SLC24A3: variants seen among roughly 807,000 people sequenced by gnomAD.
The protein encoded by SLC24A3 is sodium/potassium/calcium exchanger 3.
In SLC24A3, 28 loss-of-function variants were observed where a neutral mutation model predicts 75.8. The ratio of observed to expected loss-of-function variants is 0.37; its 90% CI spans 0.27 to 0.51. SLC24A3 has a LOEUF of 0.51. Among genes scored for constraint, SLC24A3 ranks in the 20% least tolerant of loss-of-function variants. The pLI, the probability that SLC24A3 is intolerant of heterozygous loss-of-function variation, is 0.94. For synonymous variants in SLC24A3, 372 were observed against 334.1 expected, an observed-to-expected ratio of 1.11 and a Z score of -1.24; for missense variants, 663 against 847.8, an observed-to-expected ratio of 0.78 and a Z score of 2.71.
chr20:19,356,720 T>C (rs1018719129), intron 2 of SLC24A3, among the ~76,000 whole-genome samples: 1 of 152,192 alleles, frequency 6.6e-6, no homozygotes, highest in Admixed American at 6.5e-5. Flanking sequence ...ATGTGCATCC[T>C]TGGTATCTAC....
At chr20:19,465,877 C>T (rs1234108250) in intron 2 of SLC24A3, among the ~76,000 whole-genome samples, 1 of 152,168 alleles carries the variant, frequency 6.6e-6, no homozygotes, top group Non-Finnish European at 1.5e-5. Context: ...GGCCTCATCC[C>T]AGGATAATTA....
intron 2 of SLC24A3, among the ~76,000 whole-genome samples, chr20:19,325,286 A>AATG (rs1308388846): frequency 6.6e-6 from 1 of 151,468 alleles, no homozygotes; most frequent in Admixed American, 6.6e-5. Context: ...TAATAATAAT[A>AATG]TTAATAATAA....
At chr20:19,642,849 T>C (rs1333014438) in intron 6 of SLC24A3, among the ~76,000 whole-genome samples, 1 of 152,270 alleles carries the variant, frequency 6.6e-6, no homozygotes, top group Non-Finnish European at 1.5e-5. Context: ...CTCTTCTTTA[T>C]TGTCCAACAC....
chr20:19,478,747 C>T (rs1216980973), intron 2 of SLC24A3, among the ~76,000 whole-genome samples: 1 of 152,178 alleles, frequency 6.6e-6, no homozygotes, highest in Non-Finnish European at 1.5e-5. Context: ...CGAGGCTCAC[C>T]AGGCCATTCA....
At chr20:19,640,011 C>G (rs150607947) in intron 6 of SLC24A3, among the ~76,000 whole-genome samples, 5,635 of 152,328 alleles carry the variant, frequency 0.037, 374 homozygotes, top group African/African-American at 0.13. Context: ...CCGCTGGCGC[C>G]TCTCCCTCCA....
At chr20:19,334,606 G>A (rs555669538) in intron 2 of SLC24A3, among the ~76,000 whole-genome samples, 1 of 152,186 alleles carries the variant, frequency 6.6e-6, no homozygotes, top group Non-Finnish European at 1.5e-5. Flanking sequence ...TACCAGTGAA[G>A]TTCATTGTCT....
At chr20:19,584,918 T>C in intron 4 of SLC24A3, 53 bp from the exon 5 acceptor site, 2 of 1,543,712 alleles carry the variant, frequency 1.3e-6, no homozygotes, top group Non-Finnish European at 1.8e-6. Flanking sequence ...CAGTCACCTC[T>C]CTTCCGAGAT....
intron 2 of SLC24A3, among the ~76,000 whole-genome samples, chr20:19,361,569 G>A (rs973262975): frequency 6.6e-6 from 1 of 152,156 alleles, no homozygotes; most frequent in African/African-American, 2.4e-5. Flanking sequence ...GGTTACACAG[G>A]TGCATTCCTT....
chr20:19,381,289 G>A (rs1433842554), intron 2 of SLC24A3, among the ~76,000 whole-genome samples: 3 of 152,192 alleles, frequency 2.0e-5, no homozygotes, highest in Non-Finnish European at 4.4e-5. Flanking sequence ...TTACATTCTG[G>A]TTGGGAGAGG....
chr20:19,336,864 T>C (rs1234104428), intron 2 of SLC24A3, among the ~76,000 whole-genome samples: 1 of 152,080 alleles, frequency 6.6e-6, no homozygotes, highest in African/African-American at 2.4e-5. Context: ...TTCCTCTTTA[T>C]AAAATGTACA....
intron 2 of SLC24A3, among the ~76,000 whole-genome samples, chr20:19,410,936 A>G (rs1231045389): frequency 6.6e-6 from 1 of 152,140 alleles, no homozygotes; most frequent in Non-Finnish European, 1.5e-5. Context: ...CTGTGGTGGG[A>G]GTTGTTTCTG....
At chr20:19,707,646 TTAA>T (rs1292091297) in intron 15 of SLC24A3, among the ~76,000 whole-genome samples, 2 of 152,160 alleles carry the variant, frequency 1.3e-5, no homozygotes, top group African/African-American at 4.8e-5. Flanking sequence ...TAAGGAAGAA[TTAA>T]TAAGATTTTC....
At chr20:19,305,123 G>A (rs1279314773) in intron 2 of SLC24A3, among the ~76,000 whole-genome samples, 1 of 152,160 alleles carries the variant, frequency 6.6e-6, no homozygotes, top group South Asian at 2.1e-4. Flanking sequence ...TGAGGGATGA[G>A]TGGCTTTTGG....
At chr20:19,598,573 C>A (rs1391370844) in intron 6 of SLC24A3, among the ~76,000 whole-genome samples, 2 of 151,918 alleles carry the variant, frequency 1.3e-5, no homozygotes, top group Non-Finnish European at 2.9e-5. Context: ...AGCACACTGG[C>A]CTCAGTGTGC....
chr20:19,429,623 C>A (rs1375492620), intron 2 of SLC24A3, among the ~76,000 whole-genome samples: 2 of 152,164 alleles, frequency 1.3e-5, no homozygotes, highest in Admixed American at 6.5e-5. Flanking sequence ...TAGACTGCTT[C>A]ATCTACTTGA....
At chr20:19,242,614 C>A (rs1305773521) in intron 1 of SLC24A3, 7 of 152,166 alleles carry the variant, frequency 4.6e-5, no homozygotes, top group Admixed American at 3.9e-4. Context: ...TAATCATGAC[C>A]TTCCTACAGA....
intron 6 of SLC24A3, among the ~76,000 whole-genome samples, chr20:19,611,800 G>A (rs1242022803): frequency 6.6e-6 from 1 of 152,162 alleles, no homozygotes; most frequent in Admixed American, 6.5e-5. Flanking sequence ...ACTGCCCTTA[G>A]CAAGAGGTTC....
chr20:19,213,689 C>A (rs1251748763), intron 1 of SLC24A3, among the ~76,000 whole-genome samples: 1 of 152,244 alleles, frequency 6.6e-6, no homozygotes, highest in Non-Finnish European at 1.5e-5. Flanking sequence ...TCTACCGGTG[C>A]TCTGCGCAAA....
intron 2 of SLC24A3, among the ~76,000 whole-genome samples, chr20:19,383,843 C>T (rs1366198801): frequency 1.3e-5 from 2 of 152,144 alleles, no homozygotes; most frequent in Admixed American, 6.5e-5. Flanking sequence ...TATAAAGGCA[C>T]TGATTCCATC....
Sources: allele counts gnomAD v4.1 joint callset (sites outside exome capture counted in the v4.1 genomes callset), GRCh38; gene constraint gnomAD v4.1.1; transcripts MANE v1.5; gene names NCBI Gene and HGNC (gene_info 2026-07-23, HGNC 2026-07-21).